MYOM2: variants seen among roughly 807,000 people sequenced by gnomAD.
MYOM2 encodes myomesin-2.
In MYOM2, 254 loss-of-function variants were observed where a neutral mutation model predicts 187.6. The observed-to-expected ratio is 1.35, with a 90% confidence interval of 1.22 to 1.50. The LOEUF is 1.50. Among genes scored for constraint, MYOM2 ranks in the 40% most tolerant of loss-of-function variants. MYOM2 has a pLI of 0.00. For missense variants in MYOM2, 2,796 were observed against 1,924.0 expected, an observed-to-expected ratio of 1.45 and a Z score of -8.48; for synonymous variants, 981 against 753.8, an observed-to-expected ratio of 1.30 and a Z score of -4.94.
At position 2,096,218 on chromosome 8, in the gene MYOM2, G is replaced by A. The variant is rs112093873; in HGVS notation, c.2126-29G>A. 9.3e-4 allele frequency: 1,479 copies of A among 1,597,716 alleles called. 20 individuals carry two copies. In the African/African-American group the frequency reaches 0.017, roughly 18 times the overall value. On this transcript the variant is annotated intron_variant, in intron 17 of 36. Coordinates refer to ENST00000262113, the MANE Select transcript of MYOM2 (RefSeq NM_003970.4). Reference sequence around the variant, plus strand: ...GACAAAGCCCCCAGCTGAGGCCCTCGGTAACTCCCTGGTTGTGCTTCCTTG... The same window carrying A: ...GACAAAGCCCCCAGCTGAGGCCCTCAGTAACTCCCTGGTTGTGCTTCCTTG...
Position 2,090,102 on chromosome 8 carries a change from CTT to C in MYOM2, c.1740_1741del (p.Tyr581CysfsTer55). On this transcript the variant is annotated frameshift_variant, in exon 15 of 37. Coordinates refer to ENST00000262113, the MANE Select transcript of MYOM2 (RefSeq NM_003970.4). LOFTEE classifies it high-confidence loss of function. Reference sequence around the variant, plus strand: ...GTGTTTGACCTCATGGAAGGGAAGTCTTATGTGTTCCGAGTGCTGTCAGCAAA... The same window carrying C: ...GTGTTTGACCTCATGGAAGGGAAGTCATGTGTTCCGAGTGCTGTCAGCAAA... 6.2e-7 allele frequency: 1 copy of C among 1,614,038 alleles called. No homozygotes were observed. The highest frequency in any genetic ancestry group is 2.2e-5 in the East Asian group (1 of 44,866).
rs112903723 is a variant in MYOM2 at position 2,101,170 on chromosome 8, G to A, written c.2619+116G>A. The stretch of plus-strand genomic sequence containing the variant: ...AAACCAGCCTGGCCAACATGGAGAA[G>A]CCCCGTCTCTACTAAAAATACAAAA... On this transcript the variant is annotated intron_variant, in intron 20 of 36. Transcript: ENST00000262113. 2.3e-4 allele frequency: 230 copies of A among 1,004,374 alleles called. No individual in the cohort carries two copies. In the African/African-American group the frequency reaches 3.1e-3, roughly 13 times the overall value. The allele number at this position is 1,004,374 out of a possible 1,614,324, so 62.2% of individuals were successfully genotyped here.
Position 2,144,605 on chromosome 8 carries a change from G to A in MYOM2, c.4081-59G>A, listed in dbSNP as rs1201804677. On this transcript the variant is annotated intron_variant, in intron 36 of 36. Coordinates refer to ENST00000262113, the MANE Select transcript of MYOM2 (RefSeq NM_003970.4). ...TGACCTGGAGCCCACCGTCCGAGGG[G>A]GTGACATGACTTTCCTTTTTCTAAC... The A allele has an allele frequency of 5.1e-6, 8 of 1,555,662 alleles. No homozygotes were observed. In the Admixed American group the frequency reaches 7.3e-5, roughly 14 times the overall value.
At position 2,072,418 on chromosome 8, in the gene MYOM2, G is replaced by A; in HGVS notation, c.867G>A (p.Arg289=). The A allele has an allele frequency of 6.2e-7, 1 of 1,614,190 alleles. No individual in the cohort carries two copies. The highest frequency in any genetic ancestry group is 8.5e-7 in the Non-Finnish European group (1 of 1,180,044). The change falls in exon 9 of 37, where the codon AGG becomes AGA. Residue 289 remains arginine, a synonymous_variant. Transcript: ENST00000262113. ...TGGAGAAGTTTGGGGTCACCTTCAG[G>A]AGGGAAGGCGAGACGGTCACTCTCA... ...QFLEKFGVTF[R]REGETVTLKC...
chr8:2,050,058 C>T (rs552015571), intron 1 of MYOM2, among the ~76,000 whole-genome samples: 43 of 152,164 alleles, frequency 2.8e-4, no homozygotes, highest in Non-Finnish European at 5.0e-4. Flanking sequence ...GTCCCTTTTT[C>T]CACATCCCCC....
At chr8:2,142,956 A>G (rs1488833594) in intron 35 of MYOM2, among the ~76,000 whole-genome samples, 1 of 151,796 alleles carries the variant, frequency 6.6e-6, no homozygotes, top group Non-Finnish European at 1.5e-5. Flanking sequence ...GGGTTTCATC[A>G]TGTTGGCCAG....
At chr8:2,137,560 C>G (rs1038958361) in intron 32 of MYOM2, among the ~76,000 whole-genome samples, 2 of 129,734 alleles carry the variant, frequency 1.5e-5, no homozygotes, top group Non-Finnish European at 3.1e-5. Context: ...TTGGCTGTGC[C>G]TGGTTGTGTG....
intron 1 of MYOM2, among the ~76,000 whole-genome samples, chr8:2,050,544 A>G: frequency 6.6e-6 from 1 of 152,256 alleles, no homozygotes; most frequent in East Asian, 1.9e-4. Flanking sequence ...TGTGGAAGAA[A>G]ACAAAAAATA....
At chr8:2,086,595 C>T (rs1251984675) in intron 14 of MYOM2, among the ~76,000 whole-genome samples, 1 of 151,566 alleles carries the variant, frequency 6.6e-6, no homozygotes, top group Non-Finnish European at 1.5e-5. Flanking sequence ...TGCACCGTTG[C>T]TGGGGAAAAT....
In MYOM2 at chr8:2,106,336, G is replaced by T; in HGVS notation, c.2829G>T (p.Trp943Cys). 6.2e-7 allele frequency: 1 copy of T among 1,614,202 alleles called. No homozygotes were observed. Among genetic ancestry groups the T allele is most frequent in the Non-Finnish European group, 8.5e-7 (1 of 1,180,016 alleles). ...QEMTDASQFT[W>C]CKSYEEISDD... ...TGACAGACGCGTCTCAGTTCACCTG[G>T]TGTAAATCCTACGAGGAGATTTCAG... The change falls in exon 22 of 37, where the codon TGG becomes TGT. Residue 943 changes from tryptophan to cysteine, a missense_variant. Trp to Cys is a radical substitution (Grantham distance 215, BLOSUM62 -2). Coordinates refer to ENST00000262113, the MANE Select transcript of MYOM2 (RefSeq NM_003970.4).
At chr8:2,052,813 C>T (rs1287032359) in intron 3 of MYOM2, among the ~76,000 whole-genome samples, 7 of 152,186 alleles carry the variant, frequency 4.6e-5, no homozygotes, top group Non-Finnish European at 7.3e-5. Context: ...TCTTCCTAAG[C>T]GGGAGCCAGG....
At chr8:2,120,675 T>TATATATATATATATATATATATATATA (rs1220891042) in intron 28 of MYOM2, among the ~76,000 whole-genome samples, 6 of 41,424 alleles carry the variant, frequency 1.4e-4, no homozygotes, top group Non-Finnish European at 3.1e-4. Context: ...TATATATATA[T>TATATATATATATATATATATATATATA]TATATTATAT....
chr8:2,100,618 G>C, intron 19 of MYOM2: 1 of 482,038 alleles, frequency 2.1e-6, no homozygotes, highest in Non-Finnish European at 3.7e-6. Flanking sequence ...CTGGTCCCGA[G>C]AATGCAGTGT....
intron 25 of MYOM2, among the ~76,000 whole-genome samples, chr8:2,110,906 A>G (rs571345803): frequency 1.1e-4 from 17 of 152,310 alleles, no homozygotes; most frequent in Admixed American, 9.8e-4. Flanking sequence ...ATCATGACAC[A>G]CTTTAAGACT....
At chr8:2,123,753 T>C (rs1323307608) in intron 30 of MYOM2, 111 bp downstream of exon 30, 4 of 881,066 alleles carry the variant, frequency 4.5e-6, no homozygotes, top group Admixed American at 5.2e-5. Context: ...ACACATTGTG[T>C]CTTTAGCAGT....
chr8:2,140,975 A>G (rs1798255036), intron 33 of MYOM2, 89 bp downstream of exon 33: 6 of 1,357,018 alleles, frequency 4.4e-6, no homozygotes, highest in Non-Finnish European at 6.0e-6. Flanking sequence ...TGAATACAAG[A>G]GACAATATGA....
At position 2,145,327 on chromosome 8, in the gene MYOM2, C is replaced by T; in HGVS notation, c.*346C>T. The T allele has an allele frequency of 7.9e-6, 3 of 378,878 alleles. No homozygotes were observed. The highest frequency in any genetic ancestry group is 9.4e-6 in the Non-Finnish European group (2 of 212,944). The allele number at this position is 378,878 out of a possible 1,614,324, so 23.5% of individuals were successfully genotyped here. A position where few individuals can be genotyped will look rare whatever the true frequency, so the allele number is the denominator to read the frequency against. Reference sequence around the variant, plus strand: ...CAGCATGTGGCGGTCTGTGTGAAGCCACCGTGCTTCTCTTTGGGGGGCCGC... The same window carrying T: ...CAGCATGTGGCGGTCTGTGTGAAGCTACCGTGCTTCTCTTTGGGGGGCCGC... On this transcript the variant is annotated 3_prime_UTR_variant, in exon 37 of 37. Transcript: ENST00000262113.
At chr8:2,073,550 G>T (rs1160031337) in intron 10 of MYOM2, 50 bp downstream of exon 10, 6 of 1,535,060 alleles carry the variant, frequency 3.9e-6, no homozygotes, top group African/African-American at 1.4e-5. Context: ...TGCCCGGGGA[G>T]GGGAGGCAGC....
chr8:2,101,157 C>T, intron 20 of MYOM2, 103 bp downstream of exon 20: 1 of 1,177,412 alleles, frequency 8.5e-7, no homozygotes, highest in Non-Finnish European at 1.2e-6. Flanking sequence ...ACCAGCCTGG[C>T]CAACATGGAG....
Sources: gnomAD v4.1 joint callset for allele counts (sites outside exome capture counted in the v4.1 genomes callset) on GRCh38, gnomAD v4.1.1 for gene constraint, MANE v1.5 for transcripts, NCBI Gene and HGNC (gene_info 2026-07-23, HGNC 2026-07-21) for gene names.